NUBPL: variants seen among roughly 807,000 people sequenced by gnomAD.
NUBPL encodes the protein iron-sulfur cluster transfer protein NUBPL.
NUBPL carries 31 observed loss-of-function variants against 45.7 expected under a neutral mutation model. That is an observed-to-expected ratio of 0.68 (90% CI 0.51 to 0.92). The LOEUF is 0.92. NUBPL is among the 40% of genes least tolerant of loss of function. The pLI is 0.00. For synonymous variants in NUBPL, 144 were observed against 140.9 expected (o/e 1.02, Z -0.15); for missense variants, 401 against 398.7 (o/e 1.01, Z -0.05).
chr14:31,653,563 G>A (rs1030991982), intron 4 of NUBPL, among the ~76,000 whole-genome samples: 1 of 152,172 alleles, frequency 6.6e-6, no homozygotes, highest in Admixed American at 6.5e-5. Context: ...CAGACCTTAT[G>A]GTTGTCTTTC....
chr14:31,642,583 C>G (rs368848599), intron 4 of NUBPL, among the ~76,000 whole-genome samples: 35 of 152,170 alleles, frequency 2.3e-4, no homozygotes, highest in African/African-American at 7.9e-4. Flanking sequence ...GTTTTGGTTA[C>G]TGTAACTTTG....
chr14:31,614,706 A>G (rs965210599), intron 4 of NUBPL, among the ~76,000 whole-genome samples: 4 of 152,170 alleles, frequency 2.6e-5, no homozygotes, highest in African/African-American at 9.7e-5. Flanking sequence ...GACCTTTATG[A>G]CTGTCTTTTG....
intron 6 of NUBPL, 69 bp downstream of exon 6, chr14:31,673,643 G>A: frequency 7.3e-7 from 1 of 1,375,428 alleles, no homozygotes; most frequent in South Asian, 1.2e-5. Flanking sequence ...GCTGATTGGA[G>A]AATTGTTAAA....
chr14:31,681,225 T>C (rs1477888747), intron 6 of NUBPL, among the ~76,000 whole-genome samples: 4 of 152,086 alleles, frequency 2.6e-5, no homozygotes, highest in Non-Finnish European at 2.9e-5. Context: ...TAGAACATTT[T>C]TGATGACTAA....
intron 6 of NUBPL, among the ~76,000 whole-genome samples, chr14:31,754,789 C>T (rs2038618251): frequency 6.7e-6 from 1 of 150,306 alleles, no homozygotes; most frequent in Non-Finnish European, 1.5e-5. Context: ...TGTTGGTTTG[C>T]TGCACCCATT....
rs918673959 is a variant in NUBPL, at chr14:31,860,689, G to T, written c.*1509G>T. The T allele has an allele frequency of 1.3e-5, 2 of 152,122 alleles. No individual in the cohort carries two copies. The highest frequency in any genetic ancestry group is 4.8e-5 in the African/African-American group (2 of 41,424). The allele number at this position is 152,122 out of a possible 1,614,324, so 9.4% of individuals were successfully genotyped here. ...TAAGCATGTTTTCACACAAAAACATGTACATTGATGTTTATTGCAATTTTA... is the reference window on the plus strand; with the variant it reads ...TAAGCATGTTTTCACACAAAAACATTTACATTGATGTTTATTGCAATTTTA... On this transcript the variant is annotated 3_prime_UTR_variant, in exon 11 of 11. Transcript: ENST00000281081.
intron 7 of NUBPL, among the ~76,000 whole-genome samples, chr14:31,817,050 C>T (rs1465143300): frequency 6.6e-6 from 1 of 151,666 alleles, no homozygotes; most frequent in Non-Finnish European, 1.5e-5. Flanking sequence ...TTATCAGTAT[C>T]CTAATTGATC....
At chr14:31,728,110 GTTAT>G (rs1288495586) in intron 6 of NUBPL, among the ~76,000 whole-genome samples, 2 of 151,904 alleles carry the variant, frequency 1.3e-5, no homozygotes, top group Non-Finnish European at 1.5e-5. Flanking sequence ...TCTAAATTTT[GTTAT>G]TTATAGAAGG....
At chr14:31,628,741 T>C (rs978137771) in intron 4 of NUBPL, among the ~76,000 whole-genome samples, 4 of 152,200 alleles carry the variant, frequency 2.6e-5, no homozygotes, top group African/African-American at 9.6e-5. Flanking sequence ...GAGGTAGCTA[T>C]TGTAATTCAG....
intron 10 of NUBPL, among the ~76,000 whole-genome samples, chr14:31,856,313 G>A (rs2040618716): frequency 6.6e-6 from 1 of 152,118 alleles, no homozygotes; most frequent in East Asian, 1.9e-4. Flanking sequence ...CCCACCCCAT[G>A]ATTCAATCAC....
chr14:31,637,014 A>T (rs1484630947), intron 4 of NUBPL, among the ~76,000 whole-genome samples: 1 of 151,896 alleles, frequency 6.6e-6, no homozygotes, highest in African/African-American at 2.4e-5. Context: ...GTGGTCTATC[A>T]ATTTTGTTGA....
chr14:31,572,080 A>G (rs1051051631), intron 3 of NUBPL, among the ~76,000 whole-genome samples: 9 of 152,102 alleles, frequency 5.9e-5, no homozygotes, highest in African/African-American at 1.4e-4. Context: ...TCGAATGCCA[A>G]CCTAGATCCT....
chr14:31,605,864 G>A (rs1314269071), intron 4 of NUBPL, among the ~76,000 whole-genome samples: 1 of 112,238 alleles, frequency 8.9e-6, no homozygotes, highest in Non-Finnish European at 1.7e-5. Context: ...CTCCTTCCTT[G>A]TCTCCTCCCT....
intron 7 of NUBPL, among the ~76,000 whole-genome samples, chr14:31,802,966 T>C (rs1440861518): frequency 6.6e-6 from 1 of 152,250 alleles, no homozygotes; most frequent in East Asian, 1.9e-4. Context: ...TCACAGTGAC[T>C]AAACTTCCAT....
chr14:31,814,181 C>A (rs1190053392), intron 7 of NUBPL, among the ~76,000 whole-genome samples: 2 of 152,348 alleles, frequency 1.3e-5, no homozygotes, highest in African/African-American at 4.8e-5. Flanking sequence ...TTCTCCACAA[C>A]CTCTCCAGCA....
chr14:31,839,165 C>T (rs180877632), intron 8 of NUBPL, among the ~76,000 whole-genome samples: 107 of 152,210 alleles, frequency 7.0e-4, no homozygotes, highest in South Asian at 1.5e-3. Flanking sequence ...CTTCTCATGA[C>T]CACCTTTTTT....
chr14:31,717,882 A>C (rs1042178767), intron 6 of NUBPL, among the ~76,000 whole-genome samples: 4 of 151,964 alleles, frequency 2.6e-5, no homozygotes, highest in Non-Finnish European at 5.9e-5. Flanking sequence ...TTCTGTTTCC[A>C]TGGAAATGGA....
intron 4 of NUBPL, among the ~76,000 whole-genome samples, chr14:31,662,815 G>C (rs1208131667): frequency 1.3e-5 from 2 of 152,042 alleles, no homozygotes; most frequent in Non-Finnish European, 2.9e-5. Context: ...AATCCTTTGG[G>C]TATATACCCA....
At chr14:31,653,846 G>A (rs1376973151) in intron 4 of NUBPL, among the ~76,000 whole-genome samples, 2 of 152,182 alleles carry the variant, frequency 1.3e-5, no homozygotes, top group East Asian at 1.9e-4. Flanking sequence ...TATTATAAGA[G>A]TATTATTAGG....
Sources: allele counts gnomAD v4.1 joint callset (sites outside exome capture counted in the v4.1 genomes callset), GRCh38; gene constraint gnomAD v4.1.1; transcripts MANE v1.5; gene names NCBI Gene and HGNC (gene_info 2026-07-23, HGNC 2026-07-21).